Variants in TENM3 observed in about 807,000 individuals in gnomAD.
TENM3 encodes teneurin transmembrane protein 3, also known as teneurin-3.
TENM3 carries 63 observed loss-of-function variants against 255.1 expected under a neutral mutation model. The ratio of observed to expected loss-of-function variants is 0.25; its 90% CI spans 0.20 to 0.30. TENM3 has a LOEUF of 0.30. TENM3 is among the 10% of genes least tolerant of loss of function. The probability of loss-of-function intolerance (pLI) is 1.00; values close to 1 mark genes in which losing one functional copy is unlikely to be tolerated. For missense variants in TENM3, 2,929 were observed against 3,461.1 expected, an observed-to-expected ratio of 0.85 and a Z score of 3.86; for synonymous variants, 1,306 against 1,322.3, an observed-to-expected ratio of 0.99 and a Z score of 0.27.
chr4:182,211,423 C>T (rs1403145597), intron 1 of TENM3, among the ~76,000 whole-genome samples: 7 of 152,188 alleles, frequency 4.6e-5, no homozygotes, highest in Non-Finnish European at 8.8e-5. Flanking sequence ...TCTATTTATG[C>T]GGTGGCTCGC....
At chr4:181,467,510 TA>T in the TENM3 span, among the ~76,000 whole-genome samples, 2 of 152,076 alleles carry the variant, frequency 1.3e-5, no homozygotes, top group Non-Finnish European at 2.9e-5. Context: ...ATCTAGTTAT[TA>T]CAATTTATTG....
At chr4:182,439,751 C>T (rs189860519) in intron 3 of TENM3, among the ~76,000 whole-genome samples, 69 of 152,328 alleles carry the variant, frequency 4.5e-4, no homozygotes, top group African/African-American at 1.5e-3. Flanking sequence ...AATTTCAAGA[C>T]CTTTTCTTCA....
At chr4:182,233,377 A>G (rs1240243844) in intron 1 of TENM3, among the ~76,000 whole-genome samples, 2 of 152,196 alleles carry the variant, frequency 1.3e-5, no homozygotes, top group African/African-American at 4.8e-5. Flanking sequence ...GGTTAATTTG[A>G]CTTGGGAACC....
intron 2 of TENM3, among the ~76,000 whole-genome samples, chr4:182,341,929 C>T (rs1465921381): frequency 6.6e-6 from 1 of 152,170 alleles, no homozygotes; most frequent in Non-Finnish European, 1.5e-5. Flanking sequence ...TTTAAGCCCT[C>T]ATTGCGAACT....
chr4:182,463,797 A>G (rs1446923835), intron 3 of TENM3, among the ~76,000 whole-genome samples: 1 of 151,718 alleles, frequency 6.6e-6, no homozygotes, highest in African/African-American at 2.4e-5. Context: ...CTAATTTTGT[A>G]TTTTTAGTAA....
chr4:181,952,861 C>T, the TENM3 span, among the ~76,000 whole-genome samples: 6 of 152,236 alleles, frequency 3.9e-5, no homozygotes, highest in Admixed American at 6.5e-5. Context: ...TTACATTCAC[C>T]TCTAATTAGG....
chr4:181,647,801 C>A, the TENM3 span, among the ~76,000 whole-genome samples: 1 of 152,166 alleles, frequency 6.6e-6, no homozygotes, highest in Non-Finnish European at 1.5e-5. Flanking sequence ...CGAAGAAACA[C>A]GAAGGCGCTC....
At chr4:182,385,260 G>A (rs1029799039) in intron 3 of TENM3, among the ~76,000 whole-genome samples, 6 of 98,976 alleles carry the variant, frequency 6.1e-5, no homozygotes, top group Admixed American at 1.6e-4. Context: ...TTTATTGTGC[G>A]TCTTTTTTTT....
At chr4:181,542,615 G>A in the TENM3 span, among the ~76,000 whole-genome samples, 1 of 151,996 alleles carries the variant, frequency 6.6e-6, no homozygotes, top group Non-Finnish European at 1.5e-5. Context: ...GATTGGATGA[G>A]GTATGTTATA....
chr4:181,579,870 G>A, the TENM3 span, among the ~76,000 whole-genome samples: 2 of 152,114 alleles, frequency 1.3e-5, no homozygotes, highest in South Asian at 4.2e-4. Context: ...TAAGTTCAAG[G>A]TGCCCAGGAC....
chr4:182,543,687 A>G (rs1033343732), intron 3 of TENM3, among the ~76,000 whole-genome samples: 4 of 151,310 alleles, frequency 2.6e-5, no homozygotes, highest in African/African-American at 4.8e-5. Flanking sequence ...ATGTGTGTGT[A>G]TATATGTAAG....
chr4:181,741,680 G>A, the TENM3 span, among the ~76,000 whole-genome samples: 1 of 152,106 alleles, frequency 6.6e-6, no homozygotes, highest in East Asian at 1.9e-4. Context: ...CCTGACAGAG[G>A]CCATCATTCA....
At chr4:181,740,227 A>G in the TENM3 span, among the ~76,000 whole-genome samples, 1 of 152,212 alleles carries the variant, frequency 6.6e-6, no homozygotes, top group African/African-American at 2.4e-5. Flanking sequence ...TTTGCTAAAA[A>G]TGAACAAAAT....
intron 3 of TENM3, among the ~76,000 whole-genome samples, chr4:182,536,201 T>G (rs1318735664): frequency 1.3e-5 from 2 of 152,258 alleles, no homozygotes; most frequent in African/African-American, 4.8e-5. Flanking sequence ...TAGATCAAGT[T>G]TGTAACTTGC....
chr4:181,815,198 T>G, the TENM3 span, among the ~76,000 whole-genome samples: 1 of 151,668 alleles, frequency 6.6e-6, no homozygotes, highest in Admixed American at 6.6e-5. Flanking sequence ...ACACCTGTAA[T>G]CCCAGCACTT....
At chr4:182,730,461 A>G in intron 15 of TENM3, 142 bp downstream of exon 15, 3 of 885,674 alleles carry the variant, frequency 3.4e-6, no homozygotes, top group Non-Finnish European at 5.1e-6. Flanking sequence ...GACAGTACAT[A>G]TGGCAGAGAT....
At chr4:181,930,290 A>G in the TENM3 span, among the ~76,000 whole-genome samples, 1 of 152,202 alleles carries the variant, frequency 6.6e-6, no homozygotes, top group Admixed American at 6.5e-5. Context: ...AAAGGGGAAA[A>G]GAGAGAAGAA....
intron 3 of TENM3, among the ~76,000 whole-genome samples, chr4:182,594,150 T>TTC (rs1162903688): frequency 6.6e-6 from 1 of 152,184 alleles, no homozygotes; most frequent in Non-Finnish European, 1.5e-5. Flanking sequence ...TTGTTTTCTG[T>TTC]TCTTATGACA....
At chr4:181,517,300 A>G in the TENM3 span, among the ~76,000 whole-genome samples, 2 of 152,180 alleles carry the variant, frequency 1.3e-5, no homozygotes, top group Non-Finnish European at 2.9e-5. Flanking sequence ...AGCCTCTGGA[A>G]TGATATGTGC....
Sources: gnomAD v4.1 joint callset for allele counts (sites outside exome capture counted in the v4.1 genomes callset) on GRCh38, gnomAD v4.1.1 for gene constraint, MANE v1.5 for transcripts, NCBI Gene and HGNC (gene_info 2026-07-23, HGNC 2026-07-21) for gene names.